The following ENPP2 variants were observed in gnomAD, a reference collection of about 807,000 sequenced individuals.
The protein encoded by ENPP2 is autotaxin.
Under a neutral mutation model 120.2 loss-of-function variants are expected in ENPP2, and 51 were observed. The ratio of observed to expected loss-of-function variants is 0.42; its 90% CI spans 0.34 to 0.54. The LOEUF (loss-of-function observed/expected upper bound fraction) is 0.54. ENPP2 is among the 20% of genes least tolerant of loss of function. The pLI, the probability that ENPP2 is intolerant of heterozygous loss-of-function variation, is 0.04. For synonymous variants in ENPP2, 365 were observed against 366.4 expected (o/e 1.00, Z 0.04); for missense variants, 920 against 1,066.5 (o/e 0.86, Z 1.91).
intron 8 of ENPP2, among the ~76,000 whole-genome samples, chr8:119,612,598 C>T (rs1815185772): frequency 6.6e-6 from 1 of 152,196 alleles, no homozygotes; most frequent in Non-Finnish European, 1.5e-5. Flanking sequence ...GATAAGAATG[C>T]ATCTGCTGGA....
chr8:119,572,991 C>G (rs1190361925), intron 19 of ENPP2: 1 of 152,178 alleles, frequency 6.6e-6, no homozygotes, highest in Non-Finnish European at 1.5e-5. Flanking sequence ...GCCTGTTGCC[C>G]TGGTATAATT....
At chr8:119,648,222 C>T (rs890881418) in intron 1 of ENPP2, among the ~76,000 whole-genome samples, 11 of 152,188 alleles carry the variant, frequency 7.2e-5, no homozygotes, top group African/African-American at 2.4e-4. Flanking sequence ...TTCCCCATTA[C>T]TCTATATATA....
chr8:119,628,084 A>G (rs1225111798), intron 2 of ENPP2, among the ~76,000 whole-genome samples: 1 of 151,942 alleles, frequency 6.6e-6, no homozygotes, highest in African/African-American at 2.4e-5. Flanking sequence ...TCTGAAAAGG[A>G]AAAGTAATTT....
intron 1 of ENPP2, among the ~76,000 whole-genome samples, chr8:119,669,520 T>C (rs1818178192): frequency 6.6e-6 from 1 of 152,216 alleles, no homozygotes; most frequent in Admixed American, 6.5e-5. Context: ...ACACATGATA[T>C]TGGGATCATC....
At chr8:119,641,589 A>G (rs1193894681), upstream of ENPP2, among the ~76,000 whole-genome samples, 1 of 152,218 alleles carries the variant, frequency 6.6e-6, no homozygotes, top group Non-Finnish European at 1.5e-5. Flanking sequence ...AAAACCTAGA[A>G]CTAGAAACAA....
At chr8:119,671,853 A>G (rs541275860) in intron 1 of ENPP2, among the ~76,000 whole-genome samples, 1 of 152,318 alleles carries the variant, frequency 6.6e-6, no homozygotes, top group Admixed American at 6.5e-5. Flanking sequence ...GCACACAAAC[A>G]CTTATGAAGT....
chr8:119,613,587 CTT>C (rs1176191520), intron 8 of ENPP2, among the ~76,000 whole-genome samples: 1 of 152,004 alleles, frequency 6.6e-6, no homozygotes, highest in East Asian at 1.9e-4. Context: ...AATTATAAGA[CTT>C]TTATAAATAT....
chr8:119,612,952 C>A (rs1815214692), intron 8 of ENPP2, among the ~76,000 whole-genome samples: 1 of 152,162 alleles, frequency 6.6e-6, no homozygotes, highest in South Asian at 2.1e-4. Flanking sequence ...ACACCTTACT[C>A]CAGAAATGCT....
At chr8:119,628,609 T>C (rs973787182) in intron 2 of ENPP2, among the ~76,000 whole-genome samples, 3 of 152,144 alleles carry the variant, frequency 2.0e-5, no homozygotes, top group Non-Finnish European at 2.9e-5. Context: ...CAGATCGGTG[T>C]AGGCTAATAT....
rs544261375 is a variant in ENPP2 at position 119,659,295 on chromosome 8, C to T, written c.21+13957G>A. ...TGGTGCCACTGCACTCCAGCCTGGA[C>T]TACAGGACAAGACTCTGTCTCAATT... On this transcript the variant is annotated intron_variant, in intron 1 of 25. Coordinates refer to the ENPP2 transcript ENST00000427067. 1.6e-3 allele frequency among the ~76,000 whole-genome samples: 219 copies of T among 136,808 alleles called. 2 individuals carry two copies. The highest frequency in any genetic ancestry group is 5.9e-3 in the African/African-American group (211 of 35,982). 89.8% of individuals were successfully genotyped at this position (136,808 alleles called of 152,430 possible). A position where few individuals can be genotyped will look rare whatever the true frequency, so the allele number is the denominator to read the frequency against.
chr8:119,641,709 C>T (rs759326610), upstream of ENPP2, among the ~76,000 whole-genome samples: 2 of 152,202 alleles, frequency 1.3e-5, no homozygotes. Context: ...TTATGTCCTG[C>T]GTATCAAGAT....
At chr8:119,659,693 A>C (rs1459694566) in intron 1 of ENPP2, among the ~76,000 whole-genome samples, 2 of 152,192 alleles carry the variant, frequency 1.3e-5, no homozygotes, top group Non-Finnish European at 2.9e-5. Flanking sequence ...TTTTATTCCT[A>C]GTGATTCCAT....
chr8:119,574,067 A>C (rs1407261146), intron 19 of ENPP2, among the ~76,000 whole-genome samples: 1 of 152,198 alleles, frequency 6.6e-6, no homozygotes, highest in Admixed American at 6.5e-5. Flanking sequence ...TCATCTAAGA[A>C]AGAGGGGGAA....
intron 1 of ENPP2, among the ~76,000 whole-genome samples, chr8:119,646,268 C>T (rs1817464692): frequency 6.6e-6 from 1 of 152,198 alleles, no homozygotes; most frequent in East Asian, 1.9e-4. Context: ...CGCATCCAGC[C>T]TTTTCCTCCT....
intron 19 of ENPP2, among the ~76,000 whole-genome samples, chr8:119,574,018 C>CA (rs1812161128): frequency 6.6e-6 from 1 of 152,118 alleles, no homozygotes; most frequent in South Asian, 2.1e-4. Flanking sequence ...CCCAATGACC[C>CA]AAAAAAATCT....
intron 1 of ENPP2, among the ~76,000 whole-genome samples, chr8:119,663,991 G>A (rs1188234482): frequency 6.6e-6 from 1 of 152,194 alleles, no homozygotes; most frequent in African/African-American, 2.4e-5. Flanking sequence ...AGTAAACAAA[G>A]CTCCTAAGTG....
At chr8:119,595,563 T>G (rs1302538694) in intron 11 of ENPP2, among the ~76,000 whole-genome samples, 1 of 152,162 alleles carries the variant, frequency 6.6e-6, no homozygotes, top group Non-Finnish European at 1.5e-5. Context: ...TGTGAATAAG[T>G]GCACTCTTAA....
intron 8 of ENPP2, among the ~76,000 whole-genome samples, chr8:119,609,780 CT>C (rs900276201): frequency 2.0e-5 from 3 of 152,196 alleles, no homozygotes; most frequent in Non-Finnish European, 4.4e-5. Flanking sequence ...CCTAGATGTA[CT>C]GCCTTGCTAT....
At position 119,564,851 on chromosome 8, in the gene ENPP2, A is replaced by AG; in HGVS notation, c.2235dup (p.His747ThrfsTer2). 1 of 1,613,668 alleles carries AG rather than the reference A, an allele frequency of 6.2e-7. No individual in the cohort carries two copies. Among genetic ancestry groups the AG allele is most frequent in the Non-Finnish European group, 8.5e-7 (1 of 1,179,706 alleles). ...TTTATTTTGTCTTCTGTGTCATGTAAGCCATCATAGTCATAGTCGAAGATT... is the reference window on the plus strand; with the variant it reads ...TTTATTTTGTCTTCTGTGTCATGTAAGGCCATCATAGTCATAGTCGAAGATT... On this transcript the variant is annotated frameshift_variant, in exon 23 of 25. Coordinates refer to ENST00000075322, the MANE Select transcript of ENPP2 (RefSeq NM_001040092.3). LOFTEE classifies it high-confidence loss of function.
Sources: gnomAD v4.1 joint callset for allele counts (sites outside exome capture counted in the v4.1 genomes callset) on GRCh38, gnomAD v4.1.1 for gene constraint, MANE v1.5 for transcripts, NCBI Gene and HGNC (gene_info 2026-07-23, HGNC 2026-07-21) for gene names.